The following MYH9 variants were observed in gnomAD, a reference collection of about 807,000 sequenced individuals.
MYH9 encodes the protein myosin heavy chain 9.
MYH9 carries 29 observed loss-of-function variants against 241.9 expected under a neutral mutation model. The ratio of observed to expected loss-of-function variants is 0.12; its 90% confidence interval spans 0.09 to 0.16. The LOEUF is 0.16. MYH9 is among the 10% of genes least tolerant of loss of function. The pLI, the probability that MYH9 is intolerant of heterozygous loss-of-function variation, is 1.00. For synonymous variants in MYH9, 1,047 were observed against 1,062.6 expected, an observed-to-expected ratio of 0.99 and a Z score of 0.29; for missense variants, 1,803 against 2,595.5, an observed-to-expected ratio of 0.69 and a Z score of 6.63.
Position 36,282,583 on chromosome 22 carries a change from G to C in MYH9, c.*85C>G. On this transcript the variant is annotated 3_prime_UTR_variant, in exon 41 of 41. Transcript: ENST00000216181. ...GCATGTTCACAGCAGTCCCAAGAAG[G>C]TGGGGAGAGGCGTGCTGCGGGGTCT... is the stretch of plus-strand genomic sequence containing the variant. The C allele has an allele frequency of 8.2e-7, 1 of 1,226,850 alleles. No homozygotes were observed. The highest frequency in any genetic ancestry group is 1.2e-6 in the Non-Finnish European group (1 of 834,134). The allele number at this position is 1,226,850 out of a possible 1,614,324, so 76.0% of individuals were successfully genotyped here. A position where few individuals can be genotyped will look rare whatever the true frequency, so the allele number is the denominator to read the frequency against.
intron 1 of MYH9, among the ~76,000 whole-genome samples, chr22:36,363,953 T>C (rs562981406): frequency 6.6e-6 from 1 of 152,384 alleles, no homozygotes; most frequent in African/African-American, 2.4e-5. Context: ...CTTCTGCTGA[T>C]AGAATGGTTT....
intron 2 of MYH9, 151 bp downstream of exon 2, chr22:36,348,753 G>A: frequency 1.3e-6 from 1 of 762,598 alleles, no homozygotes; most frequent in Non-Finnish European, 2.2e-6. Context: ...AGATGTCAAA[G>A]TTCAAGGATG....
At chr22:36,385,730 G>A (rs1430061703) in intron 1 of MYH9, among the ~76,000 whole-genome samples, 1 of 152,144 alleles carries the variant, frequency 6.6e-6, no homozygotes, top group African/African-American at 2.4e-5. Flanking sequence ...CACCTGCGCT[G>A]CCAGGGTTTG....
chr22:36,323,913 G>T (rs1371073809), intron 5 of MYH9, among the ~76,000 whole-genome samples: 1 of 152,238 alleles, frequency 6.6e-6, no homozygotes, highest in Non-Finnish European at 1.5e-5. Flanking sequence ...GGCACCAGTG[G>T]TAACTGGACA....
intron 5 of MYH9, among the ~76,000 whole-genome samples, chr22:36,323,264 A>C (rs1189546337): frequency 6.6e-6 from 1 of 152,248 alleles, no homozygotes; most frequent in African/African-American, 2.4e-5. Context: ...GCTGAGGCCA[A>C]GGGAGGGGTG....
chr22:36,286,911 G>A (rs1603482755), intron 34 of MYH9, 65 bp from the exon 35 acceptor site: 14 of 1,597,936 alleles, frequency 8.8e-6, no homozygotes, highest in Non-Finnish European at 1.1e-5. Context: ...AACCCTCATG[G>A]GTCACCTCGC....
intron 3 of MYH9, among the ~76,000 whole-genome samples, chr22:36,335,761 C>G (rs1373107789): frequency 6.6e-6 from 1 of 152,222 alleles, no homozygotes; most frequent in Non-Finnish European, 1.5e-5. Flanking sequence ...GCCCCACGGG[C>G]CTGTGCCAGG....
chr22:36,336,982 G>GC (rs937555293), intron 3 of MYH9, among the ~76,000 whole-genome samples: 2 of 152,214 alleles, frequency 1.3e-5, no homozygotes, highest in African/African-American at 4.8e-5. Flanking sequence ...ATGCTGTGAT[G>GC]CCCCACCCGT....
chr22:36,320,450 C>T lies in MYH9; in HGVS notation c.869-87G>A. The stretch of plus-strand genomic sequence containing the variant: ...GCTGTGACCTCAAAGGTTGGAGAGA[C>T]TGGGACAGACCCTGAGCCCTGACGC... On this transcript the variant is annotated intron_variant, in intron 8 of 40. Coordinates refer to ENST00000216181, the MANE Select transcript of MYH9 (RefSeq NM_002473.6). This position sits in a 1 kb window ranked among gnomAD's most constrained non-coding sequence, Gnocchi z 4.8. The T allele has an allele frequency of 6.4e-7, 1 of 1,553,544 alleles. No individual in the cohort carries two copies. The highest frequency in any genetic ancestry group is 1.1e-5 in the South Asian group (1 of 89,686).
intron 1 of MYH9, among the ~76,000 whole-genome samples, chr22:36,361,169 C>T (rs1013752645): frequency 6.6e-6 from 1 of 152,204 alleles, no homozygotes; most frequent in Non-Finnish European, 1.5e-5. Context: ...GGTGGGCCCC[C>T]CTTCCCTTTC....
intron 1 of MYH9, among the ~76,000 whole-genome samples, chr22:36,373,279 C>G (rs2018116166): frequency 6.6e-6 from 1 of 152,172 alleles, no homozygotes; most frequent in African/African-American, 2.4e-5. Context: ...TGCTCCACTG[C>G]CACCCTCGGT....
intron 3 of MYH9, among the ~76,000 whole-genome samples, chr22:36,338,977 C>T (rs983420205): frequency 3.3e-5 from 5 of 152,192 alleles, no homozygotes; most frequent in South Asian, 2.1e-4. Context: ...GAAGGCCATT[C>T]GGTATGGCCA....
chr22:36,359,222 G>T (rs149561822), intron 1 of MYH9, among the ~76,000 whole-genome samples: 28 of 152,346 alleles, frequency 1.8e-4, no homozygotes, highest in African/African-American at 6.5e-4. Context: ...GACAGGAATT[G>T]GGTCTCATTC....
At chr22:36,287,210 C>G (rs556982600) in intron 34 of MYH9, among the ~76,000 whole-genome samples, 3 of 152,218 alleles carry the variant, frequency 2.0e-5, no homozygotes, top group African/African-American at 7.2e-5. Context: ...GCAGGAAACA[C>G]CTTTCCTTTT....
chr22:36,295,608 T>G lies in MYH9; in HGVS notation c.3382A>C (p.Asn1128His). The G allele has an allele frequency of 6.2e-7, 1 of 1,613,952 alleles. No homozygotes were observed. ...TCCCGTTTCTGCTTCTCAGCTTTAT[T>G]CCTGGAAGCACGCTCAGACTCCAGG... ...EDLESERASR[N>H]KAEKQKRDLG... The change falls in exon 26 of 41, where the codon AAT becomes CAT. Residue 1128 changes from asparagine (N) to histidine (H), a missense_variant. This residue lies in a region of MYH9 where 290 missense variants were observed against 360.5 expected (regional missense o/e 0.80). Coordinates refer to ENST00000216181, the MANE Select transcript of MYH9 (RefSeq NM_002473.6). The surrounding 1 kb of genome is among the most constrained non-coding windows in gnomAD (Gnocchi z 4.1).
intron 12 of MYH9, 145 bp from the exon 13 acceptor site, chr22:36,314,463 C>T (rs1195032813): frequency 9.9e-7 from 1 of 1,005,536 alleles, no homozygotes; most frequent in East Asian, 2.6e-5. Flanking sequence ...CCCGGATGCT[C>T]CTGGCCTTCC....
chr22:36,353,038 T>C (rs906168872), intron 1 of MYH9, among the ~76,000 whole-genome samples: 3 of 152,094 alleles, frequency 2.0e-5, no homozygotes, highest in Admixed American at 6.6e-5. Flanking sequence ...CCACATTCAA[T>C]GATGGGGAGC....
chr22:36,308,029 C>A (rs908856443), intron 15 of MYH9, among the ~76,000 whole-genome samples: 3 of 152,086 alleles, frequency 2.0e-5, no homozygotes, highest in Non-Finnish European at 4.4e-5. Flanking sequence ...GTGGCCTCAT[C>A]ATAACTGGCC....
intron 1 of MYH9, chr22:36,365,097 C>T (rs1323571795): frequency 6.6e-6 from 1 of 152,226 alleles, no homozygotes; most frequent in African/African-American, 2.4e-5. Context: ...CGGGGCAGCC[C>T]CGAACACCAG....
Sources: gnomAD v4.1 joint callset for allele counts (sites outside exome capture counted in the v4.1 genomes callset) on GRCh38, gnomAD v4.1.1 for gene constraint, gnomAD v4.1.1 regional missense constraint, Gnocchi (gnomAD v3.1) non-coding constraint, MANE v1.5 for transcripts, NCBI Gene and HGNC (gene_info 2026-07-23, HGNC 2026-07-21) for gene names.